IGSF21: variants seen among roughly 807,000 people sequenced by gnomAD.
IGSF21 encodes the protein immunoglobin superfamily member 21, also known as immunoglobulin superfamily member 21.
In IGSF21, 28 loss-of-function variants were observed where a neutral mutation model predicts 46.8. The observed-to-expected ratio is 0.60, with a 90% confidence interval of 0.44 to 0.82. The LOEUF is 0.82. IGSF21 is among the 40% of genes least tolerant of loss of function. The pLI is 0.00. For synonymous variants in IGSF21, 284 were observed against 273.6 expected, an observed-to-expected ratio of 1.04 and a Z score of -0.38; for missense variants, 624 against 665.5, an observed-to-expected ratio of 0.94 and a Z score of 0.69.
At chr1:18,149,874 C>T (rs949714061) in intron 1 of IGSF21, among the ~76,000 whole-genome samples, 1 of 152,172 alleles carries the variant, frequency 6.6e-6, no homozygotes, top group Non-Finnish European at 1.5e-5. Flanking sequence ...TGATGTGGAA[C>T]TCTGAGCAGA....
At chr1:18,225,095 A>T (rs376257938) in intron 1 of IGSF21, among the ~76,000 whole-genome samples, 11,513 of 70,876 alleles carry the variant, frequency 0.16, 710 homozygotes, top group East Asian at 0.32. Context: ...TCACACACAC[A>T]CACACACACA....
chr1:18,377,326 G>A (rs970478072), intron 8 of IGSF21, 67 bp from the exon 9 acceptor site: 1 of 1,382,690 alleles, frequency 7.2e-7, no homozygotes, highest in Non-Finnish European at 1.0e-6. Flanking sequence ...CTGGGTAAAG[G>A]GCCATTCCTT....
intron 1 of IGSF21, among the ~76,000 whole-genome samples, chr1:18,188,691 C>A (rs2086927019): frequency 6.6e-6 from 1 of 152,162 alleles, no homozygotes; most frequent in Non-Finnish European, 1.5e-5. Flanking sequence ...CTGTGCAGAG[C>A]ACTTCATGTG....
chr1:18,292,927 A>G (rs1346150157), intron 3 of IGSF21, among the ~76,000 whole-genome samples: 3 of 152,232 alleles, frequency 2.0e-5, no homozygotes, highest in African/African-American at 7.2e-5. Flanking sequence ...ATGCTTTGCC[A>G]GGTGCCCAGC....
intron 1 of IGSF21, among the ~76,000 whole-genome samples, chr1:18,196,396 G>T (rs562007231): frequency 6.6e-6 from 1 of 152,250 alleles, no homozygotes; most frequent in East Asian, 1.9e-4. Context: ...CCATGCCTTG[G>T]ATACTTCCTG....
chr1:18,210,392 G>A (rs1160553188), intron 1 of IGSF21, among the ~76,000 whole-genome samples: 1 of 152,226 alleles, frequency 6.6e-6, no homozygotes, highest in Non-Finnish European at 1.5e-5. Flanking sequence ...CAGAGAGCAG[G>A]AAAGATGCTC....
intron 2 of IGSF21, among the ~76,000 whole-genome samples, chr1:18,256,800 G>A (rs1225985369): frequency 2.6e-5 from 4 of 152,168 alleles, no homozygotes; most frequent in Non-Finnish European, 5.9e-5. Flanking sequence ...ATTTAATAAA[G>A]ACTTTTCCAT....
At chr1:18,169,943 G>A (rs560164363) in intron 1 of IGSF21, among the ~76,000 whole-genome samples, 26 of 152,228 alleles carry the variant, frequency 1.7e-4, no homozygotes, top group Admixed American at 1.2e-3. Context: ...AGATGGAACC[G>A]GGAGAAGTTC....
chr1:18,108,393 GGTGT>G (rs138052984), intron 1 of IGSF21, among the ~76,000 whole-genome samples, 195 bp downstream of exon 1: 12 of 146,004 alleles, frequency 8.2e-5, no homozygotes, highest in African/African-American at 2.9e-4. Flanking sequence ...TTTGTGCCAG[GGTGT>G]GTGTGTGTGT....
In IGSF21 at chr1:18,332,723, G is replaced by T. The variant is rs917266526; in HGVS notation, c.306-2169G>T. Among the ~76,000 whole-genome samples, 6 of 152,294 alleles carry T rather than the reference G, an allele frequency of 3.9e-5. No individual in the cohort carries two copies. In the South Asian group the frequency reaches 1.2e-3, roughly 32 times the overall value. ...CTCAACAAAGTCCCCCTGATGAAAA[G>T]CTTCCCATTCTTTAAGTCCTTCCAT... is the stretch of plus-strand genomic sequence containing the variant. On this transcript the variant is annotated intron_variant, in intron 3 of 9. Transcript: ENST00000251296.
chr1:18,158,170 T>G (rs1014509545), intron 1 of IGSF21, among the ~76,000 whole-genome samples: 1 of 152,098 alleles, frequency 6.6e-6, no homozygotes, highest in African/African-American at 2.4e-5. Context: ...CTCACACACC[T>G]GCCCTGTCAT....
At chr1:18,225,595 C>G (rs2084558670) in intron 1 of IGSF21, among the ~76,000 whole-genome samples, 1 of 152,168 alleles carries the variant, frequency 6.6e-6, no homozygotes, top group Admixed American at 6.5e-5. Flanking sequence ...GAGCCTTGAT[C>G]TCATCAGCCA....
At chr1:18,329,903 T>A (rs1046667255) in intron 3 of IGSF21, among the ~76,000 whole-genome samples, 4 of 152,230 alleles carry the variant, frequency 2.6e-5, no homozygotes, top group Non-Finnish European at 4.4e-5. Flanking sequence ...TCACGGGGCA[T>A]GCAGCATCCG....
chr1:18,234,424 A>G (rs2084655249), intron 2 of IGSF21, among the ~76,000 whole-genome samples: 1 of 152,264 alleles, frequency 6.6e-6, no homozygotes, highest in African/African-American at 2.4e-5. Flanking sequence ...GTAATAACAC[A>G]TAAACAGGAA....
At chr1:18,239,386 T>C (rs748477807) in intron 2 of IGSF21, among the ~76,000 whole-genome samples, 1 of 152,150 alleles carries the variant, frequency 6.6e-6, no homozygotes, top group Non-Finnish European at 1.5e-5. Flanking sequence ...AGTCTTCCCG[T>C]TGCAGACAGG....
chr1:18,313,761 T>A (rs2085513637), intron 3 of IGSF21, among the ~76,000 whole-genome samples: 1 of 152,082 alleles, frequency 6.6e-6, no homozygotes, highest in Non-Finnish European at 1.5e-5. Flanking sequence ...CTTGCCTGAG[T>A]CCACATACTT....
intron 3 of IGSF21, among the ~76,000 whole-genome samples, chr1:18,316,984 T>C (rs902986428): frequency 6.6e-6 from 1 of 151,980 alleles, no homozygotes; most frequent in Admixed American, 6.6e-5. Flanking sequence ...AAGGACAGAG[T>C]CCACCCTTTG....
chr1:18,310,025 C>T (rs549658986), intron 3 of IGSF21, among the ~76,000 whole-genome samples: 2 of 152,262 alleles, frequency 1.3e-5, no homozygotes, highest in East Asian at 1.9e-4. Context: ...CATAAGCTCC[C>T]TTTACACACC....
At chr1:18,144,914 G>A (rs77996707) in intron 1 of IGSF21, among the ~76,000 whole-genome samples, 4,173 of 152,262 alleles carry the variant, frequency 0.027, 181 homozygotes, top group African/African-American at 0.095. Flanking sequence ...GATAGCAGAA[G>A]AGGAGCTTCC....
Sources: gnomAD v4.1 joint callset for allele counts (sites outside exome capture counted in the v4.1 genomes callset) on GRCh38, gnomAD v4.1.1 for gene constraint, MANE v1.5 for transcripts, NCBI Gene and HGNC (gene_info 2026-07-23, HGNC 2026-07-21) for gene names.